Variants in NOS2 observed in about 807,000 individuals in gnomAD.
The protein encoded by NOS2 is nitric oxide synthase 2, also known as nitric oxide synthase, inducible.
A neutral mutation model predicts 136.0 loss-of-function variants in NOS2; 96 were observed. The ratio of observed to expected loss-of-function variants is 0.71; its 90% CI spans 0.60 to 0.84. The LOEUF (loss-of-function observed/expected upper bound fraction) is 0.84. Ranked by LOEUF, NOS2 falls within the 40% of genes least tolerant of loss-of-function variation. NOS2 has a pLI of 0.00. For missense variants in NOS2, 1,237 were observed against 1,496.9 expected (o/e 0.83, Z 2.87); for synonymous variants, 539 against 587.5 (o/e 0.92, Z 1.20).
rs1281155596 is a variant in NOS2 at position 27,774,345 on chromosome 17, C to A, written c.1388G>T (p.Trp463Leu). 3 of 1,585,454 alleles carry A rather than the reference C, an allele frequency of 1.9e-6. No homozygotes were observed. Among genetic ancestry groups the A allele is most frequent in the Non-Finnish European group, 2.6e-6 (3 of 1,166,042 alleles). ...GCTCCCAGACATGGGAGGGACCAGCCAAATCCAGTCTGCCGGGCAGCCCCC... is the reference window on the plus strand; with the variant it reads ...GCTCCCAGACATGGGAGGGACCAGCAAAATCCAGTCTGCCGGGCAGCCCCC... ...SRGGCPADWI[W>L]LVPPMSGSIT... The change falls in exon 12 of 27, where the codon TGG becomes TTG. Residue 463 changes from tryptophan to leucine, a missense_variant. Physicochemically the swap from Trp to Leu is moderately conservative, Grantham distance 61. Around this residue, in one of 3 missense-constraint regions of NOS2, gnomAD observed 782 missense variants for 909.9 expected, o/e 0.86. Coordinates refer to ENST00000313735, the MANE Select transcript of NOS2 (RefSeq NM_000625.4).
At chr17:27,759,904 T>A in intron 25 of NOS2, 126 bp downstream of exon 25, 2 of 883,052 alleles carry the variant, frequency 2.3e-6, no homozygotes, top group Admixed American at 5.8e-5. Flanking sequence ...CTCTGATGGT[T>A]GTGAATTACC....
rs557447784 is a variant in NOS2, at chr17:27,767,824, G to A, written c.2048C>T (p.Thr683Met). ...GTGCTGTTTGCCTCGGACATCAAAC[G>A]TCTCACAGGCTGCCTGGAAGAAGGT... ...AVQTFKAACE[T>M]FDVRGKQHIQ... The change falls in exon 18 of 27, where the codon ACG (threonine) becomes ATG (methionine). Residue 683 changes from threonine to methionine, a missense_variant. By Grantham distance (81) the Thr-to-Met change is moderately conservative. This residue lies in a region of NOS2 where 782 missense variants were observed against 909.9 expected (regional missense o/e 0.86). Coordinates refer to ENST00000313735, the MANE Select transcript of NOS2 (RefSeq NM_000625.4). 4.4e-5 allele frequency: 71 copies of A among 1,611,750 alleles called. No homozygotes were observed. The highest frequency in any genetic ancestry group is 6.7e-5 in the East Asian group (3 of 44,882).
intron 2 of NOS2, among the ~76,000 whole-genome samples, 159 bp downstream of exon 2, chr17:27,798,541 C>T (rs1268629531): frequency 1.3e-5 from 2 of 152,158 alleles, no homozygotes; most frequent in Admixed American, 6.5e-5. Context: ...CAATAATCAG[C>T]GGCTGCATTG....
intron 22 of NOS2, 83 bp from the exon 23 acceptor site, chr17:27,761,314 C>A: frequency 1.1e-6 from 1 of 877,986 alleles, no homozygotes. Flanking sequence ...CACCACGGCC[C>A]TCCTTGGACG....
At position 27,765,103 on chromosome 17, in the gene NOS2, C is replaced by T. The variant is rs1394098078; in HGVS notation, c.2428+432G>A. Among the ~76,000 whole-genome samples, 9 of 152,204 alleles carry T rather than the reference C, an allele frequency of 5.9e-5. No homozygotes were observed. In the South Asian group the frequency reaches 1.0e-3, roughly 18 times the overall value. On this transcript the variant is annotated intron_variant, in intron 20 of 26. Coordinates refer to ENST00000313735, the MANE Select transcript of NOS2 (RefSeq NM_000625.4). ...AAGCGATTCTTGTGCCTCAGCCTCC[C>T]GAGTGGCTGGGATTGGGATAACAGG...
rs766912011 is a variant in NOS2 at position 27,782,988 on chromosome 17, TGC to T, written c.584_585del (p.Arg195GlnfsTer30). On this transcript the variant is annotated frameshift_variant, in exon 6 of 27. Coordinates refer to ENST00000313735, the MANE Select transcript of NOS2 (RefSeq NM_000625.4). LOFTEE classifies it high-confidence loss of function. The stretch of plus-strand genomic sequence containing the variant: ...ATCCTCCCAATGCAGCGTGGGGCAT[TGC>T]GCCAGGCCTGCTTGGTGGCGAAGAT... ...ELIFATKQAW[R>X]NAPRCIGRIQ... The T allele has an allele frequency of 1.2e-6, 2 of 1,614,186 alleles. No homozygotes were observed. The highest frequency in any genetic ancestry group is 1.7e-6 in the Non-Finnish European group (2 of 1,180,026).
At chr17:27,795,754 T>C (rs1391667882) in intron 2 of NOS2, among the ~76,000 whole-genome samples, 1 of 152,214 alleles carries the variant, frequency 6.6e-6, no homozygotes, top group Non-Finnish European at 1.5e-5. Context: ...GTTGAATGAA[T>C]TGATGTGTGA....
In NOS2 at chr17:27,800,492, C is replaced by G. The variant is rs10459953; in HGVS notation, c.-227G>C. The G allele has an allele frequency of 0.67, 101,916 of 152,062 alleles. 34,244 individuals are homozygous for G. The highest frequency in any genetic ancestry group is 0.79 in the Middle Eastern group (233 of 296). The allele number at this position is 152,062 out of a possible 1,614,324, so 9.4% of individuals were successfully genotyped here. A position where few individuals can be genotyped will look rare whatever the true frequency, so the allele number is the denominator to read the frequency against. On this transcript the variant is annotated 5_prime_UTR_variant, in exon 1 of 27. Transcript: ENST00000313735. ...AGCAGGAATGAGGCTGAGTTCTCTG[C>G]GGCCGGAGCCTCAGTTTTCGACTCG... is the stretch of plus-strand genomic sequence containing the variant.
At chr17:27,761,513 G>A (rs184651600) in intron 22 of NOS2, among the ~76,000 whole-genome samples, 56 of 152,292 alleles carry the variant, frequency 3.7e-4, no homozygotes, top group African/African-American at 1.3e-3. Flanking sequence ...CACTCAGGTC[G>A]TGGTGGAATC....
intron 26 of NOS2, 61 bp downstream of exon 26, chr17:27,758,820 C>T (rs1226437315): frequency 1.6e-6 from 2 of 1,258,020 alleles, no homozygotes; most frequent in South Asian, 1.8e-5. Context: ...CACCCCTGGT[C>T]CTGGCTCCAA....
chr17:27,765,714 C>T lies in NOS2; in HGVS notation c.2249G>A (p.Arg750His), dbSNP rs150704221. 1.4e-4 allele frequency: 221 copies of T among 1,598,334 alleles called. No homozygotes were observed. The highest frequency in any genetic ancestry group is 5.5e-4 in the African/African-American group (41 of 74,526). Residue 750 changes from arginine to histidine, a missense_variant and splice_region_variant, in exon 20 of 27, where the codon CGT becomes CAT. Physicochemically the swap from Arg to His is conservative, Grantham distance 29 (BLOSUM62 0). Coordinates refer to ENST00000313735, the MANE Select transcript of NOS2 (RefSeq NM_000625.4). ...GGAGAGTTCCACCAGGATGGTGGCACGGCTGGGGAAGGAAAATGAAGCCTC... is the reference window on the plus strand; with the variant it reads ...GGAGAGTTCCACCAGGATGGTGGCATGGCTGGGGAAGGAAAATGAAGCCTC... ...RQNLQSPTSSRATILVELSCE... is the reference protein window; with the variant it reads ...RQNLQSPTSSHATILVELSCE...
chr17:27,782,978 C>T lies in NOS2; in HGVS notation c.596G>A (p.Arg199His), dbSNP rs1443847007. The T allele has an allele frequency of 6.2e-7, 1 of 1,614,194 alleles. No homozygotes were observed. The highest frequency in any genetic ancestry group is 8.5e-7 in the Non-Finnish European group (1 of 1,180,030). ...ATKQAWRNAP[R>H]CIGRIQWSNL... Reference sequence around the variant, plus strand: ...GGACCACTGGATCCTCCCAATGCAGCGTGGGGCATTGCGCCAGGCCTGCTT... The same window carrying T: ...GGACCACTGGATCCTCCCAATGCAGTGTGGGGCATTGCGCCAGGCCTGCTT... The change falls in exon 6 of 27, where the codon CGC becomes CAC. Residue 199 changes from arginine (R) to histidine (H), a missense_variant. Around this residue, in one of 3 missense-constraint regions of NOS2, gnomAD observed 440 missense variants for 545.4 expected, o/e 0.81. Transcript: ENST00000313735.
intron 11 of NOS2, among the ~76,000 whole-genome samples, chr17:27,775,184 G>A (rs923259031): frequency 3.3e-5 from 5 of 152,234 alleles, no homozygotes; most frequent in Non-Finnish European, 7.3e-5. Context: ...TAATGGCCAG[G>A]TGCAGTGGCT....
chr17:27,790,381 A>G (rs10853180), intron 2 of NOS2, among the ~76,000 whole-genome samples: 59,848 of 152,118 alleles, frequency 0.39, 11,969 homozygotes, highest in African/African-American at 0.46. Flanking sequence ...GGCAGGAGCC[A>G]CCGCGCCCAG....
intron 2 of NOS2, among the ~76,000 whole-genome samples, chr17:27,798,415 C>A (rs1909423858): frequency 6.6e-6 from 1 of 151,896 alleles, no homozygotes; most frequent in African/African-American, 2.4e-5. Flanking sequence ...TACTGCCTCC[C>A]ATTCTCAGGC....
chr17:27,796,710 G>A (rs1459312764), intron 2 of NOS2, among the ~76,000 whole-genome samples: 5 of 152,150 alleles, frequency 3.3e-5, no homozygotes, highest in Non-Finnish European at 7.3e-5. Context: ...AGTCCAGTTG[G>A]CAAGAGAGAG....
rs1844163306 is a variant in NOS2, at chr17:27,760,521, C to T, written c.3010+102G>A. 4 of 1,480,086 alleles carry T rather than the reference C, an allele frequency of 2.7e-6. No homozygotes were observed. In the African/African-American group the frequency reaches 5.6e-5, roughly 21 times the overall value. 91.7% of individuals were successfully genotyped at this position (1,480,086 alleles called of 1,614,324 possible). A position where few individuals can be genotyped will look rare whatever the true frequency, so the allele number is the denominator to read the frequency against. On this transcript the variant is annotated intron_variant, in intron 24 of 26. Transcript: ENST00000313735. ...CAGGGAAGCAAACTTGGGAGGCCTT[C>T]CCTCGAGAGAGGTCAGGAACCGTTT...
chr17:27,780,980 C>G, intron 8 of NOS2, 56 bp downstream of exon 8: 1 of 1,600,592 alleles, frequency 6.2e-7, no homozygotes, highest in East Asian at 2.2e-5. Flanking sequence ...CTCTGTCACT[C>G]GCTCACCACG....
At chr17:27,789,048 G>T in intron 3 of NOS2, 117 bp from the exon 4 acceptor site, 1 of 1,358,202 alleles carries the variant, frequency 7.4e-7, no homozygotes. Flanking sequence ...GTCCCTCCAC[G>T]TCCCTCCTCT....
Sources: allele counts gnomAD v4.1 joint callset (sites outside exome capture counted in the v4.1 genomes callset), GRCh38; gene constraint gnomAD v4.1.1; regional missense constraint gnomAD v4.1.1; transcripts MANE v1.5; gene names NCBI Gene and HGNC (gene_info 2026-07-23, HGNC 2026-07-21).